Variants in LRFN2 observed in about 807,000 individuals in gnomAD.
The protein encoded by LRFN2 is leucine rich repeat and fibronectin type III domain containing 2.
LRFN2 carries 18 observed loss-of-function variants against 37.3 expected under a neutral mutation model. The ratio of observed to expected loss-of-function variants is 0.48; its 90% CI spans 0.33 to 0.72. LRFN2 has a LOEUF of 0.72. LRFN2 is among the 30% of genes least tolerant of loss of function. LRFN2 has a pLI of 0.02. For missense variants in LRFN2, 1,006 were observed against 1,060.7 expected, an observed-to-expected ratio of 0.95 and a Z score of 0.72; for synonymous variants, 556 against 466.6, an observed-to-expected ratio of 1.19 and a Z score of -2.47.
At chr6:40,479,427 A>T (rs1347157795) in intron 1 of LRFN2, among the ~76,000 whole-genome samples, 1 of 152,198 alleles carries the variant, frequency 6.6e-6, no homozygotes, top group Non-Finnish European at 1.5e-5. Flanking sequence ...GACACTAGAC[A>T]AGTCGCTTTC....
At chr6:40,541,184 A>C (rs997419643) in intron 1 of LRFN2, among the ~76,000 whole-genome samples, 1 of 152,192 alleles carries the variant, frequency 6.6e-6, no homozygotes, top group East Asian at 1.9e-4. Flanking sequence ...CCAGGCTCAC[A>C]GTGAGTGGTC....
At chr6:40,551,354 A>G (rs551392347) in intron 1 of LRFN2, among the ~76,000 whole-genome samples, 1 of 152,334 alleles carries the variant, frequency 6.6e-6, no homozygotes, top group African/African-American at 2.4e-5. Context: ...GGAGGACGTC[A>G]GCTCGAGGAG....
intron 1 of LRFN2, among the ~76,000 whole-genome samples, chr6:40,434,471 CCT>C (rs1763593547): frequency 6.6e-6 from 1 of 151,254 alleles, no homozygotes; most frequent in South Asian, 2.1e-4. Flanking sequence ...TCTCAAATTG[CCT>C]TTTTTTTTCT....
At chr6:40,464,837 C>T (rs1764424373) in intron 1 of LRFN2, among the ~76,000 whole-genome samples, 1 of 151,762 alleles carries the variant, frequency 6.6e-6, no homozygotes. Context: ...CCTTCTCACC[C>T]TTTGGGTAGG....
chr6:40,478,213 G>A (rs1764750084), intron 1 of LRFN2, among the ~76,000 whole-genome samples: 1 of 152,120 alleles, frequency 6.6e-6, no homozygotes, highest in South Asian at 2.1e-4. Context: ...CCCCTGAGTT[G>A]GGGTCTGAGC....
At chr6:40,528,798 C>T (rs981413355) in intron 1 of LRFN2, among the ~76,000 whole-genome samples, 9 of 152,126 alleles carry the variant, frequency 5.9e-5, no homozygotes, top group African/African-American at 2.2e-4. Flanking sequence ...CTTCTTTCTC[C>T]CTTTCTAGGG....
At chr6:40,540,827 A>G (rs1299052359) in intron 1 of LRFN2, among the ~76,000 whole-genome samples, 3 of 152,198 alleles carry the variant, frequency 2.0e-5, no homozygotes, top group African/African-American at 4.8e-5. Context: ...GCAGACGCCC[A>G]GGGAGGCAAA....
intron 1 of LRFN2, among the ~76,000 whole-genome samples, chr6:40,489,805 C>T (rs1401325762): frequency 6.6e-6 from 1 of 152,090 alleles, no homozygotes. Flanking sequence ...CACCTGTCCT[C>T]CCTCCCATCT....
intron 1 of LRFN2, among the ~76,000 whole-genome samples, chr6:40,476,532 G>C (rs531684193): frequency 1.3e-5 from 2 of 152,204 alleles, no homozygotes; most frequent in African/African-American, 2.4e-5. Context: ...GAGTTAGCAG[G>C]GGTAGCCCCT....
At chr6:40,414,539 T>C (rs1264310645) in intron 2 of LRFN2, among the ~76,000 whole-genome samples, 1 of 152,250 alleles carries the variant, frequency 6.6e-6, no homozygotes, top group Non-Finnish European at 1.5e-5. Context: ...TTATCTTTAT[T>C]GGAGGAGAAA....
At position 40,432,244 on chromosome 6, in the gene LRFN2, G is replaced by C; in HGVS notation, c.870C>G (p.Leu290=). The C allele has an allele frequency of 6.2e-7, 1 of 1,614,034 alleles. No individual in the cohort carries two copies. The highest frequency in any genetic ancestry group is 1.1e-5 in the South Asian group (1 of 91,080). The stretch of plus-strand genomic sequence containing the variant: ...GCAACTTGTGTGTGTGCTGGGTGAT[G>C]AGAGGCGGCTCGCACACAAACTCCT... The part of the protein sequence containing the change: ...REEEFVCEPP[L]ITQHTHKLLV... The change falls in exon 2 of 3, where the codon CTC becomes CTG. Residue 290 remains leucine (L), a synonymous_variant. Coordinates refer to ENST00000338305, the MANE Select transcript of LRFN2 (RefSeq NM_020737.3).
chr6:40,478,769 T>C (rs893086540), intron 1 of LRFN2, among the ~76,000 whole-genome samples: 9 of 152,236 alleles, frequency 5.9e-5, no homozygotes, highest in African/African-American at 1.9e-4. Flanking sequence ...TGTGTGTGTA[T>C]GCACACATGC....
chr6:40,586,602 G>T (rs962059916), intron 1 of LRFN2, among the ~76,000 whole-genome samples: 1 of 152,118 alleles, frequency 6.6e-6, no homozygotes, highest in Non-Finnish European at 1.5e-5. Flanking sequence ...TGGTCTGGCG[G>T]CAAAGTTCTC....
intron 1 of LRFN2, among the ~76,000 whole-genome samples, chr6:40,577,322 G>A (rs891285272): frequency 1.3e-5 from 2 of 151,810 alleles, no homozygotes; most frequent in African/African-American, 4.8e-5. Flanking sequence ...GGCTGGTCTC[G>A]AACTCCTGAG....
intron 2 of LRFN2, among the ~76,000 whole-genome samples, chr6:40,415,628 A>G (rs1161114832): frequency 6.6e-6 from 1 of 152,218 alleles, no homozygotes; most frequent in African/African-American, 2.4e-5. Context: ...ATATTTGCAC[A>G]GCATTTATCA....
At chr6:40,522,047 C>A (rs1766089793) in intron 1 of LRFN2, among the ~76,000 whole-genome samples, 1 of 152,156 alleles carries the variant, frequency 6.6e-6, no homozygotes, top group Admixed American at 6.5e-5. Context: ...TACTATGGTG[C>A]TGCTCAGCCA....
At chr6:40,408,281 C>T (rs948137116) in intron 2 of LRFN2, among the ~76,000 whole-genome samples, 2 of 152,056 alleles carry the variant, frequency 1.3e-5, no homozygotes, top group Non-Finnish European at 2.9e-5. Flanking sequence ...CCAATTCTAC[C>T]AGGTGAGCAG....
intron 1 of LRFN2, among the ~76,000 whole-genome samples, chr6:40,474,076 G>T (rs1283025826): frequency 6.6e-6 from 1 of 152,144 alleles, no homozygotes; most frequent in Non-Finnish European, 1.5e-5. Flanking sequence ...TTTCAGGCAG[G>T]CCCACAGGGT....
intron 1 of LRFN2, among the ~76,000 whole-genome samples, chr6:40,438,982 A>G (rs1417460923): frequency 6.6e-6 from 1 of 152,146 alleles, no homozygotes; most frequent in African/African-American, 2.4e-5. Context: ...AAAATAATGA[A>G]CATGGTGGCA....
Sources: allele counts gnomAD v4.1 joint callset (sites outside exome capture counted in the v4.1 genomes callset), GRCh38; gene constraint gnomAD v4.1.1; transcripts MANE v1.5; gene names NCBI Gene and HGNC (gene_info 2026-07-23, HGNC 2026-07-21).